The following PLSCR2 variants were observed in gnomAD, a reference collection of about 807,000 sequenced individuals.
The protein encoded by PLSCR2 is phospholipid scramblase 2, also known as PL scramblase 2.
Under a neutral mutation model 25.3 loss-of-function variants are expected in PLSCR2, and 18 were observed. The ratio of observed to expected loss-of-function variants is 0.71; its 90% CI spans 0.49 to 1.06. The LOEUF is 1.06. Among genes scored for constraint, PLSCR2 ranks in the 50% least tolerant of loss-of-function variants. The pLI, the probability that PLSCR2 is intolerant of heterozygous loss-of-function variation, is 0.00. For synonymous variants in PLSCR2, 88 were observed against 87.3 expected, an observed-to-expected ratio of 1.01 and a Z score of -0.04; for missense variants, 243 against 269.5, an observed-to-expected ratio of 0.90 and a Z score of 0.69.
chr3:146,396,214 T>A (rs1474364911), intron 2 of PLSCR2, among the ~76,000 whole-genome samples: 1 of 152,186 alleles, frequency 6.6e-6, no homozygotes, highest in Admixed American at 6.5e-5. Context: ...TGAGAATGAA[T>A]TTCATTATAA....
chr3:146,463,320 G>A (rs1244218836), upstream of PLSCR2, among the ~76,000 whole-genome samples: 1 of 152,062 alleles, frequency 6.6e-6, no homozygotes, highest in Admixed American at 6.6e-5. Flanking sequence ...GGGACTACAG[G>A]CACCCGCCAC....
intron 1 of PLSCR2, among the ~76,000 whole-genome samples, chr3:146,471,435 C>A: frequency 6.6e-6 from 1 of 151,918 alleles, no homozygotes; most frequent in East Asian, 1.9e-4. Flanking sequence ...AATTATTTTA[C>A]AGTTTTATTC....
At chr3:146,492,407 A>T (rs988033847) in intron 1 of PLSCR2, among the ~76,000 whole-genome samples, 5 of 152,158 alleles carry the variant, frequency 3.3e-5, no homozygotes, top group Non-Finnish European at 7.4e-5. Flanking sequence ...TTGTGCATAA[A>T]GCAATTCACA....
At chr3:146,415,034 A>C (rs1031207675) in intron 2 of PLSCR2, 3 of 152,626 alleles carry the variant, frequency 2.0e-5, no homozygotes, top group Non-Finnish European at 4.4e-5. Flanking sequence ...CCTCAGACTT[A>C]AGAAACACTT....
chr3:146,463,778 A>C, upstream of PLSCR2: 1 of 624,536 alleles, frequency 1.6e-6, no homozygotes, highest in Non-Finnish European at 2.0e-6. Context: ...AAGTCAACTG[A>C]TCCCTCCACA....
chr3:146,394,499 CA>C (rs1490796439), intron 3 of PLSCR2, among the ~76,000 whole-genome samples: 3 of 152,106 alleles, frequency 2.0e-5, no homozygotes, highest in Non-Finnish European at 2.9e-5. Flanking sequence ...CTCCTGACCT[CA>C]GGTGATCTGC....
At chr3:146,493,558 A>G (rs889248755) in intron 1 of PLSCR2, among the ~76,000 whole-genome samples, 1 of 152,162 alleles carries the variant, frequency 6.6e-6, no homozygotes, top group Admixed American at 6.5e-5. Flanking sequence ...AGACATAAAA[A>G]AGGCTTTTGA....
intron 2 of PLSCR2, among the ~76,000 whole-genome samples, chr3:146,403,115 G>T (rs997750038): frequency 2.7e-5 from 4 of 148,066 alleles, no homozygotes; most frequent in Non-Finnish European, 5.9e-5. Flanking sequence ...GATATACAAA[G>T]CAAATAAAAA....
chr3:146,399,355 G>C lies in PLSCR2; in HGVS notation c.101-3434C>G, dbSNP rs76187681. ...TGGGTTATTATGCTGCCATTTAAAG[G>C]AACAAAGAAGTTCTAAACATAGATG... On this transcript the variant is annotated intron_variant and NMD_transcript_variant, in intron 2 of 3. Coordinates refer to the PLSCR2 transcript ENST00000463633. 5.8e-3 allele frequency among the ~76,000 whole-genome samples: 882 copies of C among 151,740 alleles called. 11 individuals carry two copies. The highest frequency in any genetic ancestry group is 0.02 in the African/African-American group (839 of 41,494).
At chr3:146,453,979 A>G (rs368615061) in intron 5 of PLSCR2, 23 bp downstream of exon 5, 111 of 1,542,438 alleles carry the variant, frequency 7.2e-5, no homozygotes, top group Non-Finnish European at 8.6e-5. Context: ...AGCAAATCCT[A>G]TAAACATTAT....
At chr3:146,482,299 TG>T (rs2043158168) in intron 1 of PLSCR2, among the ~76,000 whole-genome samples, 2 of 152,172 alleles carry the variant, frequency 1.3e-5, no homozygotes, top group African/African-American at 4.8e-5. Context: ...ACCTACAGAA[TG>T]GGAGAAAATT....
chr3:146,443,800 T>G (rs2040389812), intron 6 of PLSCR2, among the ~76,000 whole-genome samples: 1 of 151,984 alleles, frequency 6.6e-6, no homozygotes, highest in East Asian at 1.9e-4. Flanking sequence ...CTTCAACTAA[T>G]TTTGAGTTCA....
intron 1 of PLSCR2, among the ~76,000 whole-genome samples, chr3:146,473,647 T>C (rs1377186025): frequency 6.6e-6 from 1 of 152,188 alleles, no homozygotes; most frequent in Non-Finnish European, 1.5e-5. Flanking sequence ...AGGTATAACA[T>C]AAACACACTG....
chr3:146,408,484 C>T (rs781722540), intron 2 of PLSCR2, among the ~76,000 whole-genome samples: 28 of 152,168 alleles, frequency 1.8e-4, no homozygotes, highest in South Asian at 1.5e-3. Flanking sequence ...GCTTTATCAG[C>T]GGCCTTTTCA....
In PLSCR2 at chr3:146,483,479, GTATATATA is replaced by G. The variant is rs56655616; in HGVS notation, c.-293+12408_-293+12415del. Among the ~76,000 whole-genome samples, 31 of 54,820 alleles carry G rather than the reference GTATATATA, an allele frequency of 5.7e-4. 1 individual carries two copies. The highest frequency in any genetic ancestry group is 7.5e-4 in the Non-Finnish European group (23 of 30,816). The allele number at this position is 54,820 out of a possible 152,430, so 36.0% of individuals were successfully genotyped here. On this transcript the variant is annotated intron_variant, in intron 1 of 8. Coordinates refer to the PLSCR2 transcript ENST00000336685. ...TATATATATATATATATATACATGT[GTATATATA>G]TATATATATATATATATATATAATG... is the stretch of plus-strand genomic sequence containing the variant.
At chr3:146,475,099 A>G (rs139585301) in intron 1 of PLSCR2, among the ~76,000 whole-genome samples, 31 of 152,072 alleles carry the variant, frequency 2.0e-4, no homozygotes, top group African/African-American at 7.0e-4. Flanking sequence ...CCTTTAGCTC[A>G]GTGTAGTTTT....
intron 1 of PLSCR2, among the ~76,000 whole-genome samples, chr3:146,479,635 T>G (rs1157890466): frequency 4.6e-5 from 7 of 152,110 alleles, no homozygotes; most frequent in African/African-American, 1.2e-4. Flanking sequence ...ACAATAATAA[T>G]GGGAGACTTC....
downstream of PLSCR2, among the ~76,000 whole-genome samples, chr3:146,441,374 T>TAA (rs1371002764): frequency 6.6e-6 from 1 of 152,038 alleles, no homozygotes; most frequent in Non-Finnish European, 1.5e-5. Context: ...AAATAAATTA[T>TAA]AACTAGCTTT....
chr3:146,478,034 A>T (rs1360138938), intron 1 of PLSCR2, among the ~76,000 whole-genome samples: 1 of 152,218 alleles, frequency 6.6e-6, no homozygotes, highest in Non-Finnish European at 1.5e-5. Flanking sequence ...TTAGAAGGAA[A>T]ACTAACAAAC....
Sources: gnomAD v4.1 joint callset for allele counts (sites outside exome capture counted in the v4.1 genomes callset) on GRCh38, gnomAD v4.1.1 for gene constraint, MANE v1.5 for transcripts, NCBI Gene and HGNC (gene_info 2026-07-23, HGNC 2026-07-21) for gene names.